Variants in WDPCP observed in about 807,000 individuals in gnomAD.
The protein encoded by WDPCP is WD repeat-containing and planar cell polarity effector protein fritz homolog.
Under a neutral mutation model 93.1 loss-of-function variants are expected in WDPCP, and 71 were observed. The observed-to-expected ratio is 0.76, with a 90% CI of 0.63 to 0.93. The LOEUF (loss-of-function observed/expected upper bound fraction) is 0.93, where lower values mean the gene tolerates loss of function less well. Among genes scored for constraint, WDPCP ranks in the 40% least tolerant of loss-of-function variants. The pLI is 0.00. For missense variants in WDPCP, 844 were observed against 887.4 expected (o/e 0.95, Z 0.62); for synonymous variants, 315 against 315.0 (o/e 1.00, Z 0.00).
intron 2 of WDPCP, among the ~76,000 whole-genome samples, chr2:63,743,743 T>TA (rs563688241): frequency 6.6e-5 from 10 of 151,950 alleles, no homozygotes; most frequent in African/African-American, 9.7e-5. Flanking sequence ...AAAAGCTTTT[T>TA]AAAAAAAATA....
At chr2:63,768,002 A>G (rs1266650372) in intron 2 of WDPCP, among the ~76,000 whole-genome samples, 1 of 152,096 alleles carries the variant, frequency 6.6e-6, no homozygotes, top group Non-Finnish European at 1.5e-5. Flanking sequence ...AATAACAACA[A>G]CAACCAAAAA....
At chr2:63,309,773 C>A (rs185727777) in intron 13 of WDPCP, among the ~76,000 whole-genome samples, 1 of 151,372 alleles carries the variant, frequency 6.6e-6, no homozygotes, top group East Asian at 1.9e-4. Context: ...GATGAAGTTA[C>A]AAATCAATAA....
intron 2 of WDPCP, among the ~76,000 whole-genome samples, chr2:63,721,542 T>C (rs1669413698): frequency 6.6e-6 from 1 of 152,180 alleles, no homozygotes; most frequent in African/African-American, 2.4e-5. Context: ...TTTAAAAAAA[T>C]ATAAATAAAT....
intron 3 of WDPCP, among the ~76,000 whole-genome samples, chr2:63,602,473 G>T (rs1321807662): frequency 1.3e-5 from 2 of 150,666 alleles, no homozygotes; most frequent in Non-Finnish European, 2.9e-5. Flanking sequence ...TAACTACAGA[G>T]TATTATCAAA....
At chr2:63,467,471 C>CA (rs1290548069) in intron 6 of WDPCP, among the ~76,000 whole-genome samples, 1 of 151,122 alleles carries the variant, frequency 6.6e-6, no homozygotes, top group East Asian at 1.9e-4. Context: ...GACCCCATCT[C>CA]AAAAAAACAA....
intron 14 of WDPCP, among the ~76,000 whole-genome samples, chr2:63,249,143 C>G (rs936227776): frequency 6.6e-6 from 1 of 152,076 alleles, no homozygotes. Context: ...AGCCATCTTT[C>G]CCGGTCTTTG....
intron 13 of WDPCP, among the ~76,000 whole-genome samples, chr2:63,279,875 G>A (rs1400999354): frequency 6.6e-6 from 1 of 151,616 alleles, no homozygotes; most frequent in African/African-American, 2.4e-5. Context: ...GCAAAAAAAA[G>A]GAAAAGGAAA....
chr2:63,543,549 G>C (rs565271534), intron 1 of WDPCP, among the ~76,000 whole-genome samples: 1 of 151,616 alleles, frequency 6.6e-6, no homozygotes, highest in Non-Finnish European at 1.5e-5. Context: ...AAGACTTAAG[G>C]CTTTAAATTA....
chr2:63,312,996 G>A (rs1453621609), intron 13 of WDPCP, among the ~76,000 whole-genome samples: 6 of 151,538 alleles, frequency 4.0e-5, no homozygotes, highest in Non-Finnish European at 8.8e-5. Context: ...GAGGAGAAAA[G>A]TTCAAGAATT....
At chr2:63,495,347 G>A (rs528902816) in intron 1 of WDPCP, among the ~76,000 whole-genome samples, 1 of 152,130 alleles carries the variant, frequency 6.6e-6, no homozygotes, top group African/African-American at 2.4e-5. Flanking sequence ...TACTCAAAAT[G>A]TTTCCAATGC....
intron 14 of WDPCP, among the ~76,000 whole-genome samples, chr2:63,192,365 A>C (rs1462483838): frequency 6.6e-6 from 1 of 152,246 alleles, no homozygotes; most frequent in Admixed American, 6.5e-5. Flanking sequence ...AAAAGAAAGA[A>C]GAGATAAGCT....
chr2:63,186,990 T>C (rs905532029), intron 14 of WDPCP, among the ~76,000 whole-genome samples: 3 of 152,188 alleles, frequency 2.0e-5, no homozygotes, highest in African/African-American at 7.2e-5. Flanking sequence ...TGTGTTGATA[T>C]GTATTTATCC....
chr2:63,597,306 A>G, intron 3 of WDPCP: 1 of 1,280,920 alleles, frequency 7.8e-7, no homozygotes, highest in Non-Finnish European at 1.0e-6. Context: ...ACTTGCAACA[A>G]GTGAAAGAAT....
chr2:63,805,159 T>C (rs1670746116), intron 2 of WDPCP, among the ~76,000 whole-genome samples: 1 of 152,204 alleles, frequency 6.6e-6, no homozygotes, highest in South Asian at 2.1e-4. Flanking sequence ...AAGAAAAGCG[T>C]CAGGGACAAT....
chr2:63,766,246 TTACA>T (rs759482824), intron 2 of WDPCP, among the ~76,000 whole-genome samples: 3 of 152,184 alleles, frequency 2.0e-5, no homozygotes, highest in Non-Finnish European at 4.4e-5. Flanking sequence ...AACATATACA[TTACA>T]TACATATAAG....
intron 2 of WDPCP, among the ~76,000 whole-genome samples, chr2:63,667,366 A>G (rs1710296326): frequency 6.6e-6 from 1 of 152,234 alleles, no homozygotes; most frequent in African/African-American, 2.4e-5. Flanking sequence ...TTCAAACCAC[A>G]TGCAAAGTCA....
At chr2:63,790,621 A>G (rs186715744) in intron 2 of WDPCP, among the ~76,000 whole-genome samples, 1 of 152,218 alleles carries the variant, frequency 6.6e-6, no homozygotes, top group African/African-American at 2.4e-5. Flanking sequence ...AGTTCAGCTC[A>G]TGGTTAGGAC....
intron 15 of WDPCP, among the ~76,000 whole-genome samples, chr2:63,155,226 T>C (rs1306474592): frequency 1.3e-5 from 2 of 152,242 alleles, no homozygotes; most frequent in Non-Finnish European, 2.9e-5. Flanking sequence ...TATTTCCTCC[T>C]ATGCTTTCTT....
chr2:63,133,651 T>A (rs1391993274), intron 17 of WDPCP, among the ~76,000 whole-genome samples: 1 of 152,222 alleles, frequency 6.6e-6, no homozygotes, highest in Non-Finnish European at 1.5e-5. Context: ...CTGTCCTGTC[T>A]GCTTCTCCTT....
Sources: allele counts gnomAD v4.1 joint callset (sites outside exome capture counted in the v4.1 genomes callset), GRCh38; gene constraint gnomAD v4.1.1; transcripts MANE v1.5; gene names NCBI Gene and HGNC (gene_info 2026-07-23, HGNC 2026-07-21).